VIPR2: variants seen among roughly 807,000 people sequenced by gnomAD.
VIPR2 encodes the protein vasoactive intestinal polypeptide receptor 2.
VIPR2 carries 48 observed loss-of-function variants against 58.0 expected under a neutral mutation model. The observed-to-expected ratio is 0.83, with a 90% CI of 0.66 to 1.05. The LOEUF (loss-of-function observed/expected upper bound fraction) is 1.05. Ranked by LOEUF, VIPR2 falls within the 50% of genes least tolerant of loss-of-function variation. VIPR2 has a pLI of 0.00. For missense variants in VIPR2, 534 were observed against 558.0 expected, an observed-to-expected ratio of 0.96 and a Z score of 0.43; for synonymous variants, 243 against 235.2, an observed-to-expected ratio of 1.03 and a Z score of -0.30.
chr7:159,058,450 C>G (rs369740756), intron 5 of VIPR2, 31 bp downstream of exon 5: 2 of 1,591,000 alleles, frequency 1.3e-6, no homozygotes, highest in Non-Finnish European at 8.6e-7. Flanking sequence ...GTCTTGTATT[C>G]TTTGCAGAAT....
chr7:159,142,379 G>T, intron 2 of VIPR2, 67 bp downstream of exon 2: 1 of 1,215,312 alleles, frequency 8.2e-7, no homozygotes, highest in Non-Finnish European at 1.2e-6. Context: ...CTGAACCACA[G>T]CTGAGTGAGG....
Position 159,030,718 on chromosome 7 carries a change from G to T in VIPR2, c.1215C>A (p.Val405=). ...CGTTGCGGGAGAAGGAGGAACCGCA[G>T]ACCCTGTAATCCCGGCTCGCGGACG... The part of the protein sequence containing the change: ...PTPSASRDYR[V]CGSSFSRNGS... The change falls in exon 13 of 13, where the codon GTC becomes GTA. Residue 405 remains valine (V), a synonymous_variant. Transcript: ENST00000262178. 1 of 1,595,766 alleles carries T rather than the reference G, an allele frequency of 6.3e-7. No homozygotes were observed. Among genetic ancestry groups the T allele is most frequent in the Non-Finnish European group, 8.5e-7 (1 of 1,172,740 alleles).
rs1857820505 is a variant in VIPR2, at chr7:159,096,074, C to T, written c.357+7683G>A. Among the ~76,000 whole-genome samples the T allele has an allele frequency of 2.0e-5, 3 of 152,162 alleles. No individual in the cohort carries two copies. The highest frequency in any genetic ancestry group is 2.0e-4 in the Admixed American group (3 of 15,284). Reference sequence around the variant, plus strand: ...ACCTGTGGAGCCCAAGAGCCAGCTGCTGGGTGCCCAAGCTGAACATCTGCC... The same window carrying T: ...ACCTGTGGAGCCCAAGAGCCAGCTGTTGGGTGCCCAAGCTGAACATCTGCC... On this transcript the variant is annotated intron_variant, in intron 4 of 12. Transcript: ENST00000262178. The surrounding 1 kb of genome is among the most constrained non-coding windows in gnomAD (Gnocchi z 5.5).
chr7:159,058,567 A>G lies in VIPR2; in HGVS notation c.369T>C (p.Tyr123=), dbSNP rs2129494013. 6.2e-7 allele frequency: 1 copy of G among 1,609,460 alleles called. No homozygotes were observed. Among genetic ancestry groups the G allele is most frequent in the Non-Finnish European group, 8.5e-7 (1 of 1,175,938 alleles). Residue 123 remains tyrosine, a synonymous_variant, in exon 5 of 13, where the codon TAT becomes TAC. Coordinates refer to ENST00000262178, the MANE Select transcript of VIPR2 (RefSeq NM_003382.5). ...GTGTATAAATGGCCTTCACCAGAATATAAAACGTGATCTACAAAGAAAGAA... is the reference window on the plus strand; with the variant it reads ...GTGTATAAATGGCCTTCACCAGAATGTAAAACGTGATCTACAAAGAAAGAA... ...DPEDESKITF[Y]ILVKAIYTLG...
rs1308896377 is a variant in VIPR2 at position 159,029,234 on chromosome 7, G to C, written c.*1382C>G. On this transcript the variant is annotated 3_prime_UTR_variant, in exon 13 of 13. Transcript: ENST00000262178. ...GGAAAAGTGGAGTCAAATGTGCTCA[G>C]AACAACTGAGTCCCACAGTCGGGGC... is the stretch of plus-strand genomic sequence containing the variant. The C allele has an allele frequency of 6.6e-6, 1 of 152,344 alleles. No homozygotes were observed. Among genetic ancestry groups the C allele is most frequent in the African/African-American group, 2.4e-5 (1 of 41,456 alleles). The allele number at this position is 152,344 out of a possible 1,614,324, so 9.4% of individuals were successfully genotyped here. A position where few individuals can be genotyped will look rare whatever the true frequency, so the allele number is the denominator to read the frequency against.
intron 7 of VIPR2, 151 bp from the exon 8 acceptor site, chr7:159,036,163 G>C: frequency 2.0e-6 from 2 of 997,072 alleles, no homozygotes; most frequent in Non-Finnish European, 2.8e-6. Context: ...ATATTTACAA[G>C]TTTATGCTCA....
intron 2 of VIPR2, among the ~76,000 whole-genome samples, chr7:159,136,857 A>C (rs1016879718): frequency 6.6e-6 from 1 of 152,088 alleles, no homozygotes; most frequent in Admixed American, 6.5e-5. Context: ...AGCAGCCGCC[A>C]CTCGTCACCA....
At chr7:159,110,017 C>T (rs1174916190) in intron 2 of VIPR2, 98 bp from the exon 3 acceptor site, 3 of 1,089,838 alleles carry the variant, frequency 2.8e-6, no homozygotes, top group Non-Finnish European at 4.1e-6. Flanking sequence ...AACTCCTTTC[C>T]TGTGAAACAC....
chr7:159,119,419 C>T (rs1393728135), intron 2 of VIPR2, among the ~76,000 whole-genome samples: 1 of 152,182 alleles, frequency 6.6e-6, no homozygotes, highest in African/African-American at 2.4e-5. Context: ...AACACGTGGC[C>T]TGCGTCTCCA....
At chr7:159,136,167 G>A (rs186080242) in intron 2 of VIPR2, among the ~76,000 whole-genome samples, 42 of 152,306 alleles carry the variant, frequency 2.8e-4, no homozygotes, top group Admixed American at 1.3e-4. Context: ...GGGTCGAGTG[G>A]CCACAATGGC....
chr7:159,031,905 CT>C lies in VIPR2; in HGVS notation c.1101+32del. 6.2e-7 allele frequency: 1 copy of C among 1,614,126 alleles called. No individual in the cohort carries two copies. Among genetic ancestry groups the C allele is most frequent in the Non-Finnish European group, 8.5e-7 (1 of 1,180,038 alleles). On this transcript the variant is annotated intron_variant, in intron 11 of 12. Transcript: ENST00000262178. This position sits in a 1 kb window ranked among gnomAD's most constrained non-coding sequence, Gnocchi z 4.0. The stretch of plus-strand genomic sequence containing the variant: ...AAGAGATGGTCAGGCAGGACCCGCG[CT>C]CGGGGGAGGGCGGCCGCCTCCGCAC...
In VIPR2 at chr7:159,130,772, G is replaced by A. The variant is rs1438923902; in HGVS notation, c.151+11674C>T. 2.6e-5 allele frequency among the ~76,000 whole-genome samples: 4 copies of A among 152,224 alleles called. No individual in the cohort carries two copies. In the East Asian group the frequency reaches 7.7e-4, roughly 29 times the overall value. Reference sequence around the variant, plus strand: ...TGTATTGATTTCGTTTGTGCCATGGGCAGGAAGAACCCATCAGGTGGTTAC... The same window carrying A: ...TGTATTGATTTCGTTTGTGCCATGGACAGGAAGAACCCATCAGGTGGTTAC... On this transcript the variant is annotated intron_variant, in intron 2 of 12. Coordinates refer to ENST00000262178, the MANE Select transcript of VIPR2 (RefSeq NM_003382.5).
At chr7:159,106,925 G>A (rs950053897) in intron 3 of VIPR2, among the ~76,000 whole-genome samples, 8 of 149,966 alleles carry the variant, frequency 5.3e-5, no homozygotes, top group Admixed American at 2.7e-4. Flanking sequence ...GGCCAGGGAG[G>A]TGCAGAGAGA....
Position 159,144,709 on chromosome 7 carries a change from G to A in VIPR2, c.51+12C>T, listed in dbSNP as rs997049075. On this transcript the variant is annotated intron_variant, in intron 1 of 12. Coordinates refer to ENST00000262178, the MANE Select transcript of VIPR2 (RefSeq NM_003382.5). ...CGAGGCGCCGTGGGGCGGGGGTCGCGGGCGCACTCACGGGGGCGAGCAGCC... is the reference window on the plus strand; with the variant it reads ...CGAGGCGCCGTGGGGCGGGGGTCGCAGGCGCACTCACGGGGGCGAGCAGCC... The A allele has an allele frequency of 9.8e-6, 13 of 1,328,372 alleles. No homozygotes were observed. Among genetic ancestry groups the A allele is most frequent in the Middle Eastern group, 2.8e-4 (1 of 3,562 alleles). The allele number at this position is 1,328,372 out of a possible 1,614,324, so 82.3% of individuals were successfully genotyped here.
rs148088071 is a variant in VIPR2, at chr7:159,126,444, C to T, written c.151+16002G>A. Among the ~76,000 whole-genome samples, 11 of 152,250 alleles carry T rather than the reference C, an allele frequency of 7.2e-5. 1 individual carries two copies. The South Asian group carries it at 2.1e-3, about 29-fold the overall frequency. ...ATTTTAGAAATGCTGCAATTAAGAA[C>T]GATGACAATAATTGCTTTTGGCAGA... On this transcript the variant is annotated intron_variant, in intron 2 of 12. Transcript: ENST00000262178.
chr7:159,133,803 A>G (rs1483265652), intron 2 of VIPR2, among the ~76,000 whole-genome samples: 7 of 152,262 alleles, frequency 4.6e-5, no homozygotes, highest in Non-Finnish European at 8.8e-5. Flanking sequence ...TTTTGTGAGA[A>G]AAAAGGAACT....
intron 4 of VIPR2, among the ~76,000 whole-genome samples, chr7:159,077,506 TCA>T (rs888975182): frequency 1.3e-5 from 2 of 151,494 alleles, no homozygotes; most frequent in African/African-American, 4.9e-5. Context: ...GTAACTGTTA[TCA>T]GATTCTAGCC....
At chr7:159,104,750 C>T (rs1010634542) in intron 3 of VIPR2, among the ~76,000 whole-genome samples, 6 of 151,942 alleles carry the variant, frequency 3.9e-5, no homozygotes, top group Non-Finnish European at 7.4e-5. Flanking sequence ...CAGTTCCTGA[C>T]AGCACCCTCT....
chr7:159,109,861 G>T lies in VIPR2; in HGVS notation c.210C>A (p.Thr70=), dbSNP rs562399123. The T allele has an allele frequency of 6.2e-7, 1 of 1,614,150 alleles. No individual in the cohort carries two copies. The highest frequency in any genetic ancestry group is 1.7e-5 in the Admixed American group (1 of 60,024). The stretch of plus-strand genomic sequence containing the variant: ...AGACTTTTGGGCAGGGCACCGTGAC[G>T]GTCTCTCCCACATTGGCAGGCCGCC... ...TCWRPANVGE[T]VTVPCPKVFS... is the part of the protein sequence containing the mutation. Residue 70 remains threonine (T), a synonymous_variant, in exon 3 of 13, where the codon ACC becomes ACA. Transcript: ENST00000262178.
Sources: gnomAD v4.1 joint callset for allele counts (sites outside exome capture counted in the v4.1 genomes callset) on GRCh38, gnomAD v4.1.1 for gene constraint, Gnocchi (gnomAD v3.1) non-coding constraint, MANE v1.5 for transcripts, NCBI Gene and HGNC (gene_info 2026-07-23, HGNC 2026-07-21) for gene names.